TJP1: variants seen among roughly 807,000 people sequenced by gnomAD.
TJP1 encodes tight junction protein 1, also known as tight junction protein ZO-1.
TJP1 carries 43 observed loss-of-function variants against 194.2 expected under a neutral mutation model. That is an observed-to-expected ratio of 0.22 (90% confidence interval 0.17 to 0.29). TJP1 has a LOEUF of 0.29. TJP1 is among the 10% of genes least tolerant of loss of function. The probability of loss-of-function intolerance (pLI) is 1.00; values close to 1 mark genes in which losing one functional copy is unlikely to be tolerated. For missense variants in TJP1, 1,971 were observed against 2,185.7 expected (o/e 0.90, Z 1.96); for synonymous variants, 801 against 779.0 (o/e 1.03, Z -0.47).
At chr15:29,839,245 G>C (rs1270121307) in intron 2 of TJP1, among the ~76,000 whole-genome samples, 1 of 151,932 alleles carries the variant, frequency 6.6e-6, no homozygotes, top group African/African-American at 2.4e-5. Context: ...TGATCTGCCC[G>C]CCTCAGCCTT....
chr15:29,889,665 C>T (rs1024228970), intron 2 of TJP1, among the ~76,000 whole-genome samples: 9 of 152,230 alleles, frequency 5.9e-5, no homozygotes, highest in East Asian at 5.8e-4. Flanking sequence ...CTAGGCTCCA[C>T]GGAGCAGGCA....
intron 2 of TJP1, among the ~76,000 whole-genome samples, chr15:29,927,259 G>A (rs1174367769): frequency 6.6e-6 from 1 of 152,162 alleles, no homozygotes; most frequent in Admixed American, 6.5e-5. Context: ...GGCAGAGGTT[G>A]CAGTGAGCTG....
At chr15:29,866,262 A>G (rs1666025155) in intron 2 of TJP1, among the ~76,000 whole-genome samples, 2 of 152,200 alleles carry the variant, frequency 1.3e-5, no homozygotes, top group South Asian at 2.1e-4. Flanking sequence ...TTCTGGCAAC[A>G]CCCACCCAAA....
intron 2 of TJP1, among the ~76,000 whole-genome samples, chr15:29,856,404 C>T (rs761841331): frequency 1.3e-5 from 2 of 152,006 alleles, no homozygotes; most frequent in African/African-American, 2.4e-5. Context: ...CAGATAAATC[C>T]GTGAGACAGA....
chr15:29,826,567 G>A (rs1025715092), upstream of TJP1, among the ~76,000 whole-genome samples: 2 of 151,990 alleles, frequency 1.3e-5, no homozygotes, highest in African/African-American at 2.4e-5. Flanking sequence ...AGTCTACCCT[G>A]GGCATCCGCT....
At chr15:29,705,792 G>C (rs372267770) in intron 25 of TJP1, 47 bp from the exon 26 acceptor site, 36 of 1,556,342 alleles carry the variant, frequency 2.3e-5, no homozygotes, top group Non-Finnish European at 3.0e-5. Context: ...ATAATACACA[G>C]GTGCTTTGCT....
rs869171726 is a variant in TJP1, at chr15:29,879,708, CTTTTT to C, written c.306+76519_306+76523del. On this transcript the variant is annotated intron_variant, in intron 2 of 28. Coordinates refer to the TJP1 transcript ENST00000356107. ...CACTTTCGCATATAGCTTAGACTCT[CTTTTT>C]TTTCTTTTTTCTTTTTGAGACAGGG... Among the ~76,000 whole-genome samples, 183 of 139,074 alleles carry C rather than the reference CTTTTT, an allele frequency of 1.3e-3. 1 individual carries two copies. The highest frequency in any genetic ancestry group is 5.0e-3 in the African/African-American group (176 of 34,964). The allele number at this position is 139,074 out of a possible 152,430, so 91.2% of individuals were successfully genotyped here.
chr15:29,833,759 T>C (rs952380397), intron 2 of TJP1, among the ~76,000 whole-genome samples: 31 of 149,306 alleles, frequency 2.1e-4, no homozygotes, highest in African/African-American at 7.4e-4. Flanking sequence ...ATTCTCAGTA[T>C]ATTAAAATGA....
chr15:29,719,799 G>A lies in TJP1; in HGVS notation c.2981C>T (p.Ser994Leu), dbSNP rs751977843. ...IMLRDQEPSL[S>L]SHVDPTKVYR... ...TACCTTTGTTGGATCTACATGCGACGACAATGATGGTTCTTGATCTCTTAG... is the reference window on the plus strand; with the variant it reads ...TACCTTTGTTGGATCTACATGCGACAACAATGATGGTTCTTGATCTCTTAG... The change falls in exon 20 of 28, where the codon TCG (serine) becomes TTG (leucine). Residue 994 changes from serine (S) to leucine (L), a missense_variant. Transcript: ENST00000614355. 17 of 1,613,732 alleles carry A rather than the reference G, an allele frequency of 1.1e-5. No individual in the cohort carries two copies. The highest frequency in any genetic ancestry group is 3.3e-5 in the Admixed American group (2 of 59,928).
intron 2 of TJP1, among the ~76,000 whole-genome samples, chr15:29,887,235 G>T (rs532819327): frequency 1.1e-4 from 16 of 148,072 alleles, no homozygotes; most frequent in Admixed American, 7.4e-4. Flanking sequence ...TTTTGTTAAG[G>T]TAGAAAAATA....
intron 11 of TJP1, among the ~76,000 whole-genome samples, chr15:29,735,425 C>CA (rs1222776059): frequency 1.3e-5 from 2 of 151,644 alleles, no homozygotes; most frequent in African/African-American, 4.8e-5. Context: ...CCTGCCTCTA[C>CA]AAAAAATACA....
intron 2 of TJP1, among the ~76,000 whole-genome samples, chr15:29,919,298 C>A (rs1185964449): frequency 1.3e-5 from 2 of 152,184 alleles, no homozygotes; most frequent in Non-Finnish European, 2.9e-5. Context: ...GCCCAGAGGG[C>A]ATTAGGTTGG....
chr15:29,907,676 C>A (rs895980306), intron 2 of TJP1, among the ~76,000 whole-genome samples: 7 of 151,960 alleles, frequency 4.6e-5, no homozygotes, highest in Non-Finnish European at 8.8e-5. Context: ...TGAAAAATAA[C>A]AAACCTCTTC....
At position 29,949,580 on chromosome 15, in the gene TJP1, ACCT is replaced by A. The variant is rs1198586490; in HGVS notation, c.306+6649_306+6651del. ...CACCACCTCCACTTCCACAACCACC[ACCT>A]CCACCTCCACAACCACCACCTCCAC... On this transcript the variant is annotated intron_variant, in intron 2 of 28. Transcript: ENST00000356107. Among the ~76,000 whole-genome samples, 6 of 108,202 alleles carry A rather than the reference ACCT, an allele frequency of 5.5e-5. No homozygotes were observed. The East Asian group carries it at 1.6e-3, about 29-fold the overall frequency. 71.0% of individuals were successfully genotyped at this position (108,202 alleles called of 152,430 possible).
chr15:29,874,247 G>T lies in TJP1; in HGVS notation c.307-73545C>A, dbSNP rs138693123. On this transcript the variant is annotated intron_variant, in intron 2 of 28. Coordinates refer to the TJP1 transcript ENST00000356107. ...GCTTCCTCTATCCCTGAGAAGGAGG[G>T]TGACAGAAGAGAACGCCTGCAGGGT... Among the ~76,000 whole-genome samples, 525 of 152,300 alleles carry T rather than the reference G, an allele frequency of 3.4e-3. 2 individuals carry two copies. The highest frequency in any genetic ancestry group is 0.012 in the African/African-American group (502 of 41,562).
rs35392254 is a variant in TJP1 at position 29,718,895 on chromosome 15, G to A, written c.3247C>T (p.Arg1083Cys). 3,466 of 1,614,154 alleles carry A rather than the reference G, an allele frequency of 2.1e-3. 3 individuals carry two copies. Among genetic ancestry groups the A allele is most frequent in the Non-Finnish European group, 2.7e-3 (3,245 of 1,180,026 alleles). ...CACTGTTCTTCATACATGGGGACGC[G>A]ATCTTCGTATCGCAGACGATGTTCA... ...NYEHRLRYED[R>C]VPMYEEQWSY... is the part of the protein sequence containing the mutation. The change falls in exon 21 of 28, where the codon CGC (arginine) becomes TGC (cysteine). Residue 1083 changes from arginine to cysteine, a missense_variant. By Grantham distance (180) the Arg-to-Cys change is radical. Around this residue, in one of 5 missense-constraint regions of TJP1, gnomAD observed 1,108 missense variants for 1,128.5 expected, o/e 0.98. Coordinates refer to ENST00000614355, the MANE Select transcript of TJP1 (RefSeq NM_001330239.4).
At chr15:29,820,967 G>A (rs1355103280) in intron 1 of TJP1, among the ~76,000 whole-genome samples, 3 of 152,170 alleles carry the variant, frequency 2.0e-5, no homozygotes, top group Admixed American at 6.5e-5. Flanking sequence ...GATGTTACGG[G>A]TAAGCATTTC....
rs2044098647 is a variant in TJP1, at chr15:29,737,297, C to A, written c.1374G>T (p.Lys458Asn). ...AGVLEDSPAA[K>N]EGLEEGDQIL... ...TTTGATCACCTTCCTCTAAGCCTTC[C>A]TTGGCTGCAGGGCTATCTTCTAGAA... The change falls in exon 11 of 28, where the codon AAG becomes AAT. Residue 458 changes from lysine to asparagine, a missense_variant. Lys to Asn is a moderately conservative substitution (Grantham distance 94). Around this residue, in one of 5 missense-constraint regions of TJP1, gnomAD observed 24 missense variants for 54.2 expected, o/e 0.44. Transcript: ENST00000614355. 1 of 1,614,018 alleles carries A rather than the reference C, an allele frequency of 6.2e-7. No homozygotes were observed. Among genetic ancestry groups the A allele is most frequent in the African/African-American group, 1.3e-5 (1 of 74,920 alleles).
At chr15:29,705,795 G>A (rs1566852080) in intron 25 of TJP1, 50 bp from the exon 26 acceptor site, 1 of 1,545,206 alleles carries the variant, frequency 6.5e-7, no homozygotes, top group Middle Eastern at 1.7e-4. Flanking sequence ...ATACACAGGT[G>A]CTTTGCTTTT....
Sources: allele counts gnomAD v4.1 joint callset (sites outside exome capture counted in the v4.1 genomes callset), GRCh38; gene constraint gnomAD v4.1.1; regional missense constraint gnomAD v4.1.1; transcripts MANE v1.5; gene names NCBI Gene and HGNC (gene_info 2026-07-23, HGNC 2026-07-21).